Variants in DCC observed in about 807,000 individuals in gnomAD.
The protein encoded by DCC is DCC netrin 1 receptor.
DCC carries 58 observed loss-of-function variants against 172.5 expected under a neutral mutation model. The observed-to-expected ratio is 0.34, with a 90% CI of 0.27 to 0.42. The LOEUF (loss-of-function observed/expected upper bound fraction) is 0.42, where lower values mean the gene tolerates loss of function less well. Ranked by LOEUF, DCC falls within the 10% of genes least tolerant of loss-of-function variation. DCC has a pLI of 1.00. For missense variants in DCC, 1,740 were observed against 1,791.0 expected (o/e 0.97, Z 0.51); for synonymous variants, 709 against 644.5 (o/e 1.10, Z -1.52).
At chr18:52,922,903 G>A (rs1163709442) in intron 3 of DCC, among the ~76,000 whole-genome samples, 1 of 152,096 alleles carries the variant, frequency 6.6e-6, no homozygotes, top group African/African-American at 2.4e-5. Context: ...TATAATCTTA[G>A]CAACTTTGGA....
intron 1 of DCC, among the ~76,000 whole-genome samples, chr18:52,617,634 G>T (rs2144853287): frequency 6.6e-6 from 1 of 152,128 alleles, no homozygotes; most frequent in Non-Finnish European, 1.5e-5. Flanking sequence ...TCCTAACCCA[G>T]ATTTGGAAGG....
At chr18:52,820,309 C>A (rs993333022) in intron 2 of DCC, among the ~76,000 whole-genome samples, 1 of 152,044 alleles carries the variant, frequency 6.6e-6, no homozygotes, top group Non-Finnish European at 1.5e-5. Context: ...AAAGAAAAAA[C>A]GATGAAAATG....
chr18:52,863,423 T>C (rs147278487), intron 2 of DCC, among the ~76,000 whole-genome samples: 33 of 151,932 alleles, frequency 2.2e-4, no homozygotes, highest in African/African-American at 7.5e-4. Flanking sequence ...GCATAAGCTT[T>C]CTATAGAACA....
intron 1 of DCC, among the ~76,000 whole-genome samples, chr18:52,638,201 C>T (rs1383092823): frequency 2.0e-5 from 3 of 151,984 alleles, no homozygotes; most frequent in African/African-American, 7.3e-5. Context: ...GGAAACACAT[C>T]CAAACAGAAC....
intron 7 of DCC, among the ~76,000 whole-genome samples, chr18:53,072,053 C>CT (rs1447658950): frequency 1.3e-5 from 2 of 151,836 alleles, no homozygotes; most frequent in African/African-American, 4.8e-5. Flanking sequence ...CAGTTGAACC[C>CT]GGAGGGCAGA....
chr18:52,741,565 T>C (rs953547408), intron 1 of DCC, among the ~76,000 whole-genome samples: 3 of 152,188 alleles, frequency 2.0e-5, no homozygotes, highest in Non-Finnish European at 2.9e-5. Flanking sequence ...TCCTAGGGGA[T>C]GAAATTGTTC....
intron 1 of DCC, among the ~76,000 whole-genome samples, chr18:52,740,681 C>T (rs192692921): frequency 2.6e-5 from 4 of 152,310 alleles, no homozygotes; most frequent in Admixed American, 2.0e-4. Flanking sequence ...GCAGCCCACG[C>T]TTTGTCAGCA....
At chr18:52,369,480 G>A (rs886298891) in intron 1 of DCC, among the ~76,000 whole-genome samples, 5 of 151,982 alleles carry the variant, frequency 3.3e-5, no homozygotes, top group African/African-American at 4.8e-5. Context: ...TGTAGGAGCC[G>A]ATGGAAGAGT....
chr18:53,287,871 T>A (rs1224682993), intron 12 of DCC, among the ~76,000 whole-genome samples: 1 of 152,218 alleles, frequency 6.6e-6, no homozygotes, highest in Non-Finnish European at 1.5e-5. Flanking sequence ...AAGTAGCCAC[T>A]GCCTCAATCC....
intron 5 of DCC, among the ~76,000 whole-genome samples, chr18:52,960,917 A>C (rs1040928473): frequency 5.3e-5 from 8 of 152,142 alleles, no homozygotes; most frequent in African/African-American, 1.2e-4. Context: ...AGTAAGACTA[A>C]AGTAGGTCAC....
intron 12 of DCC, among the ~76,000 whole-genome samples, chr18:53,267,999 A>T: frequency 6.6e-6 from 1 of 152,220 alleles, no homozygotes; most frequent in East Asian, 1.9e-4. Flanking sequence ...GCACTAAAAA[A>T]TTCCCCCGTG....
At position 53,392,326 on chromosome 18, in the gene DCC, T is replaced by C. The variant is rs151203218; in HGVS notation, c.2688+439T>C. On this transcript the variant is annotated intron_variant, in intron 17 of 28. Coordinates refer to ENST00000442544, the MANE Select transcript of DCC (RefSeq NM_005215.4). ...GTGAATATAACTGGGAATAGATAAGTTGAAGATATTTTTTTGTAACCTCAG... is the reference window on the plus strand; with the variant it reads ...GTGAATATAACTGGGAATAGATAAGCTGAAGATATTTTTTTGTAACCTCAG... 2.6e-4 allele frequency among the ~76,000 whole-genome samples: 31 copies of C among 121,566 alleles called. No individual in the cohort carries two copies. The East Asian group carries it at 6.5e-3, about 25-fold the overall frequency. The allele number at this position is 121,566 out of a possible 152,430, so 79.8% of individuals were successfully genotyped here.
chr18:52,845,436 C>G (rs1213426316), intron 2 of DCC, among the ~76,000 whole-genome samples: 1 of 152,204 alleles, frequency 6.6e-6, no homozygotes, highest in African/African-American at 2.4e-5. Context: ...AGCAATGGCT[C>G]AAAAGCACAG....
At chr18:52,645,666 G>A (rs557156862) in intron 1 of DCC, among the ~76,000 whole-genome samples, 217 of 152,144 alleles carry the variant, frequency 1.4e-3, no homozygotes, top group Non-Finnish European at 2.4e-3. Flanking sequence ...TCGTTGGTGT[G>A]AATTTAAAAA....
intron 12 of DCC, among the ~76,000 whole-genome samples, chr18:53,291,110 G>A (rs1428642912): frequency 6.6e-6 from 1 of 152,062 alleles, no homozygotes; most frequent in East Asian, 1.9e-4. Context: ...GGACGTTGCA[G>A]TGAGCTGAGA....
At chr18:53,271,650 A>G (rs1468427921) in intron 12 of DCC, among the ~76,000 whole-genome samples, 1 of 152,190 alleles carries the variant, frequency 6.6e-6, no homozygotes, top group Non-Finnish European at 1.5e-5. Flanking sequence ...CAAGCCAGCA[A>G]GACAGGGAAA....
At chr18:53,339,215 A>G (rs990502172) in intron 14 of DCC, among the ~76,000 whole-genome samples, 2 of 152,224 alleles carry the variant, frequency 1.3e-5, no homozygotes, top group African/African-American at 2.4e-5. Context: ...TGAATCAAGT[A>G]CCATCCTAAT....
chr18:53,171,526 T>C (rs886567733), intron 8 of DCC, among the ~76,000 whole-genome samples: 2 of 152,142 alleles, frequency 1.3e-5, no homozygotes, highest in Admixed American at 1.3e-4. Context: ...TATACATAAA[T>C]TTTTTATGAA....
intron 5 of DCC, chr18:52,941,213 T>C (rs2040456693): frequency 1.3e-5 from 2 of 152,150 alleles, no homozygotes; most frequent in Admixed American, 6.5e-5. Context: ...TAATATAGCC[T>C]ATAGTAAATT....
Sources: allele counts gnomAD v4.1 joint callset (sites outside exome capture counted in the v4.1 genomes callset), GRCh38; gene constraint gnomAD v4.1.1; transcripts MANE v1.5; gene names NCBI Gene and HGNC (gene_info 2026-07-23, HGNC 2026-07-21).